The following GTF2B variants were observed in gnomAD, a reference collection of about 807,000 sequenced individuals.
GTF2B encodes the protein general transcription factor IIB.
In GTF2B, 20 loss-of-function variants were observed where a neutral mutation model predicts 34.6. The ratio of observed to expected loss-of-function variants is 0.58; its 90% CI spans 0.41 to 0.84. The LOEUF (loss-of-function observed/expected upper bound fraction) is 0.84. GTF2B is among the 40% of genes least tolerant of loss of function. The pLI is 0.00. For missense variants in GTF2B, 237 were observed against 393.3 expected, an observed-to-expected ratio of 0.60 and a Z score of 3.36; for synonymous variants, 142 against 132.4, an observed-to-expected ratio of 1.07 and a Z score of -0.50.
chr1:88,884,690 A>C (rs1011526489), intron 2 of GTF2B, among the ~76,000 whole-genome samples: 1 of 152,192 alleles, frequency 6.6e-6, no homozygotes, highest in Non-Finnish European at 1.5e-5. Flanking sequence ...TCTATTTTAC[A>C]TTATTTTCTG....
intron 2 of GTF2B, among the ~76,000 whole-genome samples, chr1:88,878,015 C>T (rs1215583871): frequency 2.6e-5 from 4 of 152,114 alleles, no homozygotes; most frequent in African/African-American, 9.7e-5. Context: ...CCAGGTTGGG[C>T]GTGGACATTT....
chr1:88,861,883 A>T (rs1352273080), intron 3 of GTF2B, among the ~76,000 whole-genome samples: 1 of 152,222 alleles, frequency 6.6e-6, no homozygotes, highest in Non-Finnish European at 1.5e-5. Flanking sequence ...ACAGGGTATT[A>T]AAAGGCAGTA....
At chr1:88,871,953 G>A (rs186290950) in intron 2 of GTF2B, among the ~76,000 whole-genome samples, 185 of 151,916 alleles carry the variant, frequency 1.2e-3, no homozygotes, top group African/African-American at 4.3e-3. Flanking sequence ...GGCTGGTCTC[G>A]AACTCCTGAC....
chr1:88,860,140 A>G lies in GTF2B; in HGVS notation c.405T>C (p.Val135=). ...TTAAAGGAGGTAGACAAGAACTTACAACTATATTTCGAGGTAGATTGATTC... is the reference window on the plus strand; with the variant it reads ...TTAAAGGAGGTAGACAAGAACTTACGACTATATTTCGAGGTAGATTGATTC... ...ADRINLPRNI[V]DRTNNLFKQV... is the part of the protein sequence containing the mutation. Residue 135 remains valine (V), a splice_region_variant and synonymous_variant, in exon 4 of 7, where the codon GTT becomes GTC. Coordinates refer to ENST00000370500, the MANE Select transcript of GTF2B (RefSeq NM_001514.6). 1 of 1,614,014 alleles carries G rather than the reference A, an allele frequency of 6.2e-7. No homozygotes were observed. The highest frequency in any genetic ancestry group is 8.5e-7 in the Non-Finnish European group (1 of 1,179,916).
At chr1:88,883,825 CA>C (rs1673998597) in intron 2 of GTF2B, among the ~76,000 whole-genome samples, 1 of 152,130 alleles carries the variant, frequency 6.6e-6, no homozygotes, top group African/African-American at 2.4e-5. Context: ...CTTACGTTTT[CA>C]ATCTTGGCAA....
chr1:88,872,893 T>A (rs1319891596), intron 2 of GTF2B, among the ~76,000 whole-genome samples: 3 of 152,228 alleles, frequency 2.0e-5, no homozygotes, highest in Non-Finnish European at 4.4e-5. Context: ...TTTAGCGCAC[T>A]GATCACATTG....
intron 2 of GTF2B, among the ~76,000 whole-genome samples, chr1:88,880,165 A>G (rs1673904629): frequency 6.6e-6 from 1 of 152,276 alleles, no homozygotes; most frequent in African/African-American, 2.4e-5. Flanking sequence ...AAAAAGTTTC[A>G]GACAATGTAA....
intron 5 of GTF2B, among the ~76,000 whole-genome samples, chr1:88,858,040 CTG>C (rs1673358157): frequency 6.6e-6 from 1 of 151,840 alleles, no homozygotes; most frequent in Admixed American, 6.6e-5. Context: ...AAATTTCACT[CTG>C]TCGTCCAGAC....
At chr1:88,870,878 CTG>C (rs1208041388) in intron 2 of GTF2B, among the ~76,000 whole-genome samples, 1 of 149,236 alleles carries the variant, frequency 6.7e-6, no homozygotes, top group Non-Finnish European at 1.5e-5. Context: ...TACCAGACCA[CTG>C]TGTTTCTTAC....
At chr1:88,880,824 C>G (rs1673919886) in intron 2 of GTF2B, among the ~76,000 whole-genome samples, 1 of 151,962 alleles carries the variant, frequency 6.6e-6, no homozygotes, top group Admixed American at 6.6e-5. Context: ...GCCCGGCCAA[C>G]ATGGGGAAAC....
chr1:88,865,723 T>C (rs919592060), intron 2 of GTF2B, among the ~76,000 whole-genome samples: 4 of 151,598 alleles, frequency 2.6e-5, no homozygotes, highest in Non-Finnish European at 5.9e-5. Flanking sequence ...TGGTGGCACA[T>C]GCCTGTAATC....
intron 2 of GTF2B, among the ~76,000 whole-genome samples, chr1:88,883,262 A>G (rs1473173353): frequency 6.6e-6 from 1 of 152,240 alleles, no homozygotes; most frequent in Non-Finnish European, 1.5e-5. Flanking sequence ...GCAGTAGCCG[A>G]AGGCAGTACT....
intron 3 of GTF2B, 85 bp downstream of exon 3, chr1:88,863,896 G>A: frequency 8.4e-7 from 1 of 1,191,528 alleles, no homozygotes; most frequent in Non-Finnish European, 1.2e-6. Flanking sequence ...CACTGGTGCA[G>A]TGACTGATAC....
intron 2 of GTF2B, among the ~76,000 whole-genome samples, chr1:88,882,520 G>C (rs1048289308): frequency 1.3e-5 from 2 of 151,644 alleles, no homozygotes; most frequent in Admixed American, 6.6e-5. Flanking sequence ...TTTAGGTTTT[G>C]TGGGTCAAGA....
rs1440647291 is a variant in GTF2B at position 88,864,126 on chromosome 1, A to G, written c.125-12T>C. The G allele has an allele frequency of 1.3e-5, 21 of 1,613,436 alleles. No homozygotes were observed. Among genetic ancestry groups the G allele is most frequent in the Admixed American group, 1.7e-5 (1 of 60,030 alleles). ...AATAACCCGGTCACCTAAGAATATA[A>G]GCACATATCTGAATCATTTTGTCAA... On this transcript the variant is annotated splice_polypyrimidine_tract_variant and intron_variant, in intron 2 of 6. Transcript: ENST00000370500.
intron 2 of GTF2B, among the ~76,000 whole-genome samples, chr1:88,876,240 C>G (rs946537630): frequency 3.3e-5 from 5 of 152,110 alleles, no homozygotes; most frequent in African/African-American, 1.2e-4. Context: ...AGAGGGTAAC[C>G]CAATAATCTT....
At chr1:88,856,272 C>CAAAAAAAAAAAAAAAAAAAAA (rs377030804) in intron 6 of GTF2B, among the ~76,000 whole-genome samples, 1 of 50,042 alleles carries the variant, frequency 2.0e-5, no homozygotes, top group Non-Finnish European at 3.4e-5. Context: ...GTTTCAAAAA[C>CAAAAAAAAAAAAAAAAAAAAA]AAAAAAAAAA....
intron 2 of GTF2B, among the ~76,000 whole-genome samples, chr1:88,866,749 C>A (rs1395385352): frequency 6.6e-6 from 1 of 152,106 alleles, no homozygotes; most frequent in Non-Finnish European, 1.5e-5. Context: ...AAGGTAAAAG[C>A]GGATTATCAG....
Position 88,857,158 on chromosome 1 carries a change from T to C in GTF2B, c.817+48A>G, listed in dbSNP as rs11806294. 2,349 of 1,521,020 alleles carry C rather than the reference T, an allele frequency of 1.5e-3. 37 individuals are homozygous for C. The African/African-American group carries it at 0.029, about 19-fold the overall frequency. The allele number at this position is 1,521,020 out of a possible 1,614,324, so 94.2% of individuals were successfully genotyped here. A position where few individuals can be genotyped will look rare whatever the true frequency, so the allele number is the denominator to read the frequency against. On this transcript the variant is annotated intron_variant, in intron 6 of 6. Transcript: ENST00000370500. ...GACTTAAAATGGAAAAACAATCACA[T>C]GCTGCAAATTTCAGTTTACTGCCAC...
Sources: gnomAD v4.1 joint callset for allele counts (sites outside exome capture counted in the v4.1 genomes callset) on GRCh38, gnomAD v4.1.1 for gene constraint, MANE v1.5 for transcripts, NCBI Gene and HGNC (gene_info 2026-07-23, HGNC 2026-07-21) for gene names.